The following FBRSL1 variants were observed in gnomAD, a reference collection of about 807,000 sequenced individuals.
FBRSL1 encodes fibrosin like 1.
FBRSL1 carries 51 observed loss-of-function variants against 89.6 expected under a neutral mutation model. That is an observed-to-expected ratio of 0.57 (90% confidence interval 0.45 to 0.72). The LOEUF (loss-of-function observed/expected upper bound fraction) is 0.72, where lower values mean the gene tolerates loss of function less well. FBRSL1 is among the 30% of genes least tolerant of loss of function. FBRSL1 has a pLI of 0.00. For synonymous variants in FBRSL1, 779 were observed against 681.1 expected (o/e 1.14, Z -2.24); for missense variants, 1,618 against 1,451.8 (o/e 1.11, Z -1.86).
Position 132,569,907 on chromosome 12 carries a change from A to G in FBRSL1, c.692-19A>G. ...GACGAGGCCCTGCTGGTCTGAACGC[A>G]GCCACCCTCTCTCTGCAGGCCCAGC... On this transcript the variant is annotated intron_variant, in intron 6 of 18. Coordinates refer to ENST00000680143, the MANE Select transcript of FBRSL1 (RefSeq NM_001367871.1). 7.3e-7 allele frequency: 1 copy of G among 1,376,764 alleles called. No individual in the cohort carries two copies. Among genetic ancestry groups the G allele is most frequent in the East Asian group, 2.9e-5 (1 of 34,044 alleles). The allele number at this position is 1,376,764 out of a possible 1,614,324, so 85.3% of individuals were successfully genotyped here.
chr12:132,572,471 C>A, intron 10 of FBRSL1, 56 bp from the exon 11 acceptor site: 1 of 1,497,696 alleles, frequency 6.7e-7, no homozygotes, highest in Non-Finnish European at 9.1e-7. Context: ...TGGTTACAGG[C>A]AGAGGGTGGG....
At chr12:132,511,074 G>C in intron 2 of FBRSL1, 28 of 985,740 alleles carry the variant, frequency 2.8e-5, no homozygotes, top group Non-Finnish European at 3.3e-5. Flanking sequence ...TTCAGTCCAG[G>C]CCCTCCCCCT....
At chr12:132,545,867 G>A (rs995652917) in intron 4 of FBRSL1, among the ~76,000 whole-genome samples, 5 of 152,232 alleles carry the variant, frequency 3.3e-5, no homozygotes, top group Non-Finnish European at 7.3e-5. Context: ...AATTCAGCAG[G>A]GAGAGGCCTC....
At chr12:132,494,129 G>A (rs981186322) in intron 1 of FBRSL1, among the ~76,000 whole-genome samples, 1 of 152,180 alleles carries the variant, frequency 6.6e-6, no homozygotes, top group Admixed American at 6.5e-5. Flanking sequence ...AGGAAGCCCC[G>A]CTGGCCTCTC....
Position 132,583,517 on chromosome 12 carries a change from C to T in FBRSL1, c.2748C>T (p.Ala916=). 9.5e-7 allele frequency: 1 copy of T among 1,047,632 alleles called. No individual in the cohort carries two copies. The highest frequency in any genetic ancestry group is 1.2e-6 in the Non-Finnish European group (1 of 869,450). 64.9% of individuals were successfully genotyped at this position (1,047,632 alleles called of 1,614,324 possible). ...RAPHLPPAAP[A]LDGALLPSLG... is the part of the protein sequence containing the mutation. Reference sequence around the variant, plus strand: ...CGCACCTGCCGCCCGCCGCCCCCGCCTTGGACGGCGCGCTGCTGCCCTCGC... The same window carrying T: ...CGCACCTGCCGCCCGCCGCCCCCGCTTTGGACGGCGCGCTGCTGCCCTCGC... The change falls in exon 19 of 19, where the codon GCC becomes GCT. Residue 916 remains alanine (A), a synonymous_variant. Coordinates refer to ENST00000680143, the MANE Select transcript of FBRSL1 (RefSeq NM_001367871.1).
At chr12:132,511,404 C>A in intron 2 of FBRSL1, 6 of 985,980 alleles carry the variant, frequency 6.1e-6, no homozygotes, top group Non-Finnish European at 7.2e-6. Flanking sequence ...CCTGCCCCTT[C>A]CACGGCCCCC....
chr12:132,542,905 C>A (rs1226132092), intron 4 of FBRSL1, among the ~76,000 whole-genome samples: 1 of 152,218 alleles, frequency 6.6e-6, no homozygotes, highest in African/African-American at 2.4e-5. Context: ...TGCTTAATAG[C>A]CGTGCTGCTG....
intron 5 of FBRSL1, chr12:132,550,703 C>G (rs1319295050): frequency 6.5e-6 from 1 of 152,776 alleles, no homozygotes; most frequent in African/African-American, 2.4e-5. Flanking sequence ...AGAGAGGAGC[C>G]CAGAGCCGGC....
At chr12:132,519,793 C>T (rs531568072) in intron 2 of FBRSL1, among the ~76,000 whole-genome samples, 1 of 151,680 alleles carries the variant, frequency 6.6e-6, no homozygotes, top group East Asian at 1.9e-4. Flanking sequence ...CCTGTAATCC[C>T]AGCTACTAGA....
chr12:132,503,660 G>C (rs2033313482), intron 1 of FBRSL1, among the ~76,000 whole-genome samples: 1 of 152,244 alleles, frequency 6.6e-6, no homozygotes, highest in Admixed American at 6.5e-5. Context: ...CCAAGGCAGA[G>C]AGGATGTCGG....
intron 1 of FBRSL1, among the ~76,000 whole-genome samples, chr12:132,504,125 C>T (rs565322021): frequency 6.6e-6 from 1 of 152,164 alleles, no homozygotes; most frequent in Non-Finnish European, 1.5e-5. Context: ...TCCAGAGCCT[C>T]CTGCCTGGTG....
Position 132,582,936 on chromosome 12 carries a change from T to G in FBRSL1, c.2202-35T>G, listed in dbSNP as rs1235075165. 7 of 1,362,614 alleles carry G rather than the reference T, an allele frequency of 5.1e-6. No homozygotes were observed. In the African/African-American group the frequency reaches 9.4e-5, roughly 18 times the overall value. 84.4% of individuals were successfully genotyped at this position (1,362,614 alleles called of 1,614,324 possible). On this transcript the variant is annotated intron_variant, in intron 18 of 18. Transcript: ENST00000680143. ...GCTGCGCCGCGCGGCAGGACGGAGG[T>G]CTCGGGAGTGACGGGTCCGCCCTGC...
intron 1 of FBRSL1, among the ~76,000 whole-genome samples, chr12:132,491,413 A>T (rs1039691741): frequency 6.6e-6 from 1 of 152,200 alleles, no homozygotes; most frequent in African/African-American, 2.4e-5. Context: ...GTATTTGCTG[A>T]GCAAATACTG....
At chr12:132,526,410 C>T (rs1385807429) in intron 3 of FBRSL1, among the ~76,000 whole-genome samples, 1 of 152,250 alleles carries the variant, frequency 6.6e-6, no homozygotes, top group Non-Finnish European at 1.5e-5. Context: ...ATTGCCAGCC[C>T]CTGGTGAAGG....
chr12:132,510,806 G>A (rs2034245928), intron 2 of FBRSL1: 2 of 1,123,252 alleles, frequency 1.8e-6, no homozygotes, highest in East Asian at 5.0e-5. Context: ...CAGCCCCTGA[G>A]GGCGGGGACC....
chr12:132,572,759 G>C, intron 11 of FBRSL1, 137 bp downstream of exon 11: 1 of 681,760 alleles, frequency 1.5e-6, no homozygotes, highest in South Asian at 1.8e-5. Flanking sequence ...TCTGGGTGCT[G>C]GCGTGAGCAG....
chr12:132,523,919 C>T (rs1174203953), intron 2 of FBRSL1, among the ~76,000 whole-genome samples: 1 of 152,206 alleles, frequency 6.6e-6, no homozygotes, highest in East Asian at 1.9e-4. Flanking sequence ...GTGTGGGACC[C>T]GGTGGGCAGG....
chr12:132,569,776 G>T, intron 6 of FBRSL1, 150 bp from the exon 7 acceptor site: 1 of 544,020 alleles, frequency 1.8e-6, no homozygotes, highest in Non-Finnish European at 2.9e-6. Flanking sequence ...TAGCTGTGTG[G>T]CCTCCGTGCC....
chr12:132,561,788 G>A (rs1593502276), intron 5 of FBRSL1, among the ~76,000 whole-genome samples: 2 of 152,340 alleles, frequency 1.3e-5, no homozygotes, highest in South Asian at 4.1e-4. Context: ...GTCCTCCCAG[G>A]AGGATGGTGC....
Sources: allele counts gnomAD v4.1 joint callset (sites outside exome capture counted in the v4.1 genomes callset), GRCh38; gene constraint gnomAD v4.1.1; transcripts MANE v1.5; gene names NCBI Gene and HGNC (gene_info 2026-07-23, HGNC 2026-07-21).